Variants in PSD3 observed in about 807,000 individuals in gnomAD.
PSD3 encodes the protein PH and SEC7 domain-containing protein 3.
PSD3 carries 49 observed loss-of-function variants against 105.5 expected under a neutral mutation model. The ratio of observed to expected loss-of-function variants is 0.46; its 90% confidence interval spans 0.37 to 0.59. The LOEUF (loss-of-function observed/expected upper bound fraction) is 0.59. PSD3 is among the 20% of genes least tolerant of loss of function. The pLI is 0.00. For missense variants in PSD3, 1,561 were observed against 1,263.8 expected (o/e 1.24, Z -3.57); for synonymous variants, 557 against 457.8 (o/e 1.22, Z -2.77).
rs1445104893 is a variant in PSD3, at chr8:18,871,684, G to C, written c.1180C>G (p.Leu394Val). 6.2e-7 allele frequency: 1 copy of C among 1,613,640 alleles called. No individual in the cohort carries two copies. The highest frequency in any genetic ancestry group is 2.2e-5 in the East Asian group (1 of 44,880). Residue 394 changes from leucine to valine, a missense_variant, in exon 3 of 16, where the codon CTA becomes GTA. By Grantham distance (32) the Leu-to-Val change is conservative. Transcript: ENST00000327040. The stretch of plus-strand genomic sequence containing the variant: ...TCAAGATGCTGTTTGTTTTCCTGTA[G>C]GAAGACTTCATCCTCTCCACTCTCA... ...LDESGEDEVF[L>V]QENKQHLEKT...
chr8:18,676,092 T>A (rs28714098), intron 9 of PSD3, among the ~76,000 whole-genome samples: 14,485 of 152,188 alleles, frequency 0.095, 922 homozygotes, highest in East Asian at 0.18. Context: ...TATATATATT[T>A]TTTTCTCTTT....
intron 1 of PSD3, among the ~76,000 whole-genome samples, chr8:19,011,822 G>T (rs561608420): frequency 6.6e-6 from 1 of 151,776 alleles, no homozygotes; most frequent in East Asian, 1.9e-4. Flanking sequence ...CCGTAATAAG[G>T]TTATTTTAGC....
At chr8:18,838,660 G>C (rs1317992165) in intron 4 of PSD3, among the ~76,000 whole-genome samples, 1 of 151,706 alleles carries the variant, frequency 6.6e-6, no homozygotes. Context: ...AATTAGCCGG[G>C]CGTGGTGGCG....
intron 1 of PSD3, among the ~76,000 whole-genome samples, chr8:18,999,370 A>T (rs1826249016): frequency 6.6e-6 from 1 of 151,814 alleles, no homozygotes; most frequent in Non-Finnish European, 1.5e-5. Context: ...AGAATGAAAA[A>T]ATCAGTACCT....
At chr8:18,648,547 A>T (rs1808229784) in intron 10 of PSD3, among the ~76,000 whole-genome samples, 1 of 152,222 alleles carries the variant, frequency 6.6e-6, no homozygotes, top group Non-Finnish European at 1.5e-5. Context: ...CAAATAAATG[A>T]CATAAAACTG....
At chr8:18,581,949 G>C (rs1253552450) in intron 12 of PSD3, among the ~76,000 whole-genome samples, 4 of 152,156 alleles carry the variant, frequency 2.6e-5, no homozygotes, top group Non-Finnish European at 4.4e-5. Flanking sequence ...ATGGTGATGA[G>C]GCAGATTGTG....
At chr8:18,642,662 C>T (rs1807736604) in intron 10 of PSD3, among the ~76,000 whole-genome samples, 1 of 152,142 alleles carries the variant, frequency 6.6e-6, no homozygotes, top group South Asian at 2.1e-4. Flanking sequence ...CCTGTCTGCT[C>T]TGAATATTCT....
intron 1 of PSD3, among the ~76,000 whole-genome samples, chr8:19,075,272 A>G (rs1222225384): frequency 6.6e-6 from 1 of 151,892 alleles, no homozygotes; most frequent in African/African-American, 2.4e-5. Flanking sequence ...TTTAAAGTAG[A>G]TTTATTTTCC....
At chr8:18,746,526 G>A (rs1393024587) in intron 9 of PSD3, among the ~76,000 whole-genome samples, 1 of 151,928 alleles carries the variant, frequency 6.6e-6, no homozygotes, top group Non-Finnish European at 1.5e-5. Context: ...GGGTGTTGCT[G>A]GTCAGGGGTC....
At chr8:18,935,092 T>C (rs1361129939) in intron 2 of PSD3, among the ~76,000 whole-genome samples, 1 of 152,124 alleles carries the variant, frequency 6.6e-6, no homozygotes, top group South Asian at 2.1e-4. Context: ...TACCAACTTA[T>C]AAGGTGATTG....
Position 18,779,628 on chromosome 8 carries a change from A to T in PSD3, c.2083-14090T>A, listed in dbSNP as rs148645844. Among the ~76,000 whole-genome samples the T allele has an allele frequency of 4.9e-3, 752 of 151,978 alleles. 5 individuals carry two copies. Among genetic ancestry groups the T allele is most frequent in the Non-Finnish European group, 7.7e-3 (521 of 67,962 alleles). On this transcript the variant is annotated intron_variant, in intron 8 of 15. Coordinates refer to ENST00000327040, the MANE Select transcript of PSD3 (RefSeq NM_015310.4). The stretch of plus-strand genomic sequence containing the variant: ...CTTTTGCTGTATCCCACATATTTTG[A>T]TATGTTGTGTTCCCATTTTGATTTG...
At chr8:18,622,750 C>G (rs1806204816) in intron 11 of PSD3, among the ~76,000 whole-genome samples, 1 of 152,088 alleles carries the variant, frequency 6.6e-6, no homozygotes, top group Admixed American at 6.5e-5. Context: ...TAATGACTGA[C>G]ATTATTTCTT....
At chr8:18,596,706 C>A (rs1280688160) in intron 12 of PSD3, among the ~76,000 whole-genome samples, 2 of 151,714 alleles carry the variant, frequency 1.3e-5, no homozygotes, top group Admixed American at 1.3e-4. Context: ...AATTATACAC[C>A]AACAAATTGG....
chr8:18,529,779 C>T lies in PSD3; in HGVS notation c.*5964G>A, dbSNP rs28362577. 34 of 152,538 alleles carry T rather than the reference C, an allele frequency of 2.2e-4. No individual in the cohort carries two copies. The highest frequency in any genetic ancestry group is 7.5e-4 in the African/African-American group (31 of 41,414). The allele number at this position is 152,538 out of a possible 1,614,324, so 9.4% of individuals were successfully genotyped here. Reference sequence around the variant, plus strand: ...AAATGGTTAAGGCCCAAAAATGAAACGTTTTGCTTCTCCTACTCCTTTTCT... The same window carrying T: ...AAATGGTTAAGGCCCAAAAATGAAATGTTTTGCTTCTCCTACTCCTTTTCT... On this transcript the variant is annotated 3_prime_UTR_variant, in exon 16 of 16. Transcript: ENST00000327040.
intron 14 of PSD3, among the ~76,000 whole-genome samples, chr8:18,565,850 A>G (rs1057177647): frequency 1.3e-5 from 2 of 152,124 alleles, no homozygotes; most frequent in Non-Finnish European, 2.9e-5. Flanking sequence ...GTCTGGAGAC[A>G]TTTTTGGTTG....
intron 10 of PSD3, among the ~76,000 whole-genome samples, chr8:18,651,627 A>G (rs1328412308): frequency 6.6e-6 from 1 of 152,248 alleles, no homozygotes; most frequent in Non-Finnish European, 1.5e-5. Flanking sequence ...CTAATGGCAC[A>G]TTACTACAAA....
In PSD3 at chr8:18,666,501, T is replaced by C. The variant is rs1799465430; in HGVS notation, c.2173-10816A>G. On this transcript the variant is annotated intron_variant, in intron 9 of 15. Transcript: ENST00000327040. ...AAAGAATTTTTCCCCTAGTTACAAC[T>C]GTAAACATCTAATGAACTGATTAGA... Among the ~76,000 whole-genome samples, 6 of 152,360 alleles carry C rather than the reference T, an allele frequency of 3.9e-5. No homozygotes were observed. In the South Asian group the frequency reaches 1.2e-3, roughly 32 times the overall value.
At chr8:18,963,627 G>T (rs1586538053) in intron 1 of PSD3, among the ~76,000 whole-genome samples, 1 of 152,112 alleles carries the variant, frequency 6.6e-6, no homozygotes, top group Non-Finnish European at 1.5e-5. Flanking sequence ...TCTTGCACAA[G>T]AATTTCTGCT....
chr8:18,787,922 T>G (rs937465020), intron 8 of PSD3, among the ~76,000 whole-genome samples: 1 of 152,156 alleles, frequency 6.6e-6, no homozygotes, highest in Non-Finnish European at 1.5e-5. Flanking sequence ...ACAGACAAAT[T>G]CTGTAAATTT....
Sources: allele counts gnomAD v4.1 joint callset (sites outside exome capture counted in the v4.1 genomes callset), GRCh38; gene constraint gnomAD v4.1.1; transcripts MANE v1.5; gene names NCBI Gene and HGNC (gene_info 2026-07-23, HGNC 2026-07-21).